SLC25A21: variants seen among roughly 807,000 people sequenced by gnomAD.
The protein encoded by SLC25A21 is mitochondrial 2-oxodicarboxylate carrier.
A neutral mutation model predicts 43.8 loss-of-function variants in SLC25A21; 47 were observed. The ratio of observed to expected loss-of-function variants is 1.07; its 90% CI spans 0.85 to 1.37. The LOEUF (loss-of-function observed/expected upper bound fraction) is 1.37. Among genes scored for constraint, SLC25A21 ranks in the 40% most tolerant of loss-of-function variants. SLC25A21 has a pLI of 0.00. For synonymous variants in SLC25A21, 131 were observed against 121.3 expected (o/e 1.08, Z -0.52); for missense variants, 352 against 350.2 (o/e 1.00, Z -0.04).
In SLC25A21 at chr14:36,678,492, G is replaced by C; in HGVS notation, c.*2166C>G. The C allele has an allele frequency of 6.5e-7, 1 of 1,536,968 alleles. No individual in the cohort carries two copies. The highest frequency in any genetic ancestry group is 1.4e-5 in the African/African-American group (1 of 73,158). ...ACATCTGGAGTTCCCAGTCTGGTGA[G>C]AAAATAGACTATAAACTGAATGGAA... is the stretch of plus-strand genomic sequence containing the variant. On this transcript the variant is annotated 3_prime_UTR_variant, in exon 10 of 10. Coordinates refer to ENST00000331299, the MANE Select transcript of SLC25A21 (RefSeq NM_030631.4).
chr14:36,689,835 C>A (rs549622649), intron 7 of SLC25A21, among the ~76,000 whole-genome samples: 2 of 152,296 alleles, frequency 1.3e-5, no homozygotes, highest in African/African-American at 4.8e-5. Context: ...AGTCTGAGAA[C>A]CACTGCTTAA....
At chr14:37,147,651 A>T (rs1420135340) in intron 1 of SLC25A21, among the ~76,000 whole-genome samples, 20 of 100,638 alleles carry the variant, frequency 2.0e-4, no homozygotes, top group African/African-American at 5.4e-4. Flanking sequence ...TTTTTTTTTA[A>T]AAAAAAGGAA....
At chr14:36,857,374 T>C (rs1889931274) in intron 2 of SLC25A21, among the ~76,000 whole-genome samples, 1 of 152,164 alleles carries the variant, frequency 6.6e-6, no homozygotes, top group Non-Finnish European at 1.5e-5. Context: ...AGAGAGAGGC[T>C]CCAGATCCCA....
chr14:36,698,962 G>C (rs1256272658), intron 7 of SLC25A21, among the ~76,000 whole-genome samples: 1 of 152,078 alleles, frequency 6.6e-6, no homozygotes, highest in African/African-American at 2.4e-5. Context: ...TTGTTCTGTT[G>C]CTGGCAAGGA....
intron 1 of SLC25A21, among the ~76,000 whole-genome samples, chr14:37,074,266 T>C (rs923253948): frequency 6.6e-6 from 1 of 152,120 alleles, no homozygotes; most frequent in African/African-American, 2.4e-5. Context: ...TGTGGTACTA[T>C]TCTACGGTTG....
At chr14:36,877,823 G>T (rs528036116) in intron 1 of SLC25A21, among the ~76,000 whole-genome samples, 1 of 152,178 alleles carries the variant, frequency 6.6e-6, no homozygotes, top group Non-Finnish European at 1.5e-5. Flanking sequence ...GAGGCTGGAA[G>T]TGTGCAGGTG....
intron 1 of SLC25A21, among the ~76,000 whole-genome samples, chr14:37,099,148 T>C (rs894907847): frequency 1.3e-5 from 2 of 152,064 alleles, no homozygotes; most frequent in Admixed American, 6.5e-5. Context: ...CCACATTGAT[T>C]TGTAATAATT....
chr14:36,751,091 A>G (rs1885692089), intron 3 of SLC25A21, among the ~76,000 whole-genome samples: 1 of 152,214 alleles, frequency 6.6e-6, no homozygotes, highest in South Asian at 2.1e-4. Flanking sequence ...ACACTAAGAT[A>G]TGCCAAAACC....
intron 7 of SLC25A21, among the ~76,000 whole-genome samples, chr14:36,689,628 G>A (rs1290847987): frequency 6.6e-6 from 1 of 152,118 alleles, no homozygotes; most frequent in Non-Finnish European, 1.5e-5. Context: ...CTGGAGTCCA[G>A]TTACTCACAT....
intron 7 of SLC25A21, among the ~76,000 whole-genome samples, chr14:36,695,345 G>T (rs1882970380): frequency 6.6e-6 from 1 of 152,198 alleles, no homozygotes; most frequent in African/African-American, 2.4e-5. Context: ...CAGGTAGCGT[G>T]ATGTCTCCAG....
intron 2 of SLC25A21, among the ~76,000 whole-genome samples, chr14:36,845,253 T>A (rs1264661674): frequency 6.6e-6 from 1 of 152,210 alleles, no homozygotes; most frequent in Non-Finnish European, 1.5e-5. Context: ...CATGGATTTT[T>A]AAATATTAAT....
intron 1 of SLC25A21, among the ~76,000 whole-genome samples, chr14:36,949,357 G>A (rs1892750637): frequency 6.6e-6 from 1 of 152,136 alleles, no homozygotes; most frequent in African/African-American, 2.4e-5. Flanking sequence ...AAAATTGTTT[G>A]TATGTATCCC....
intron 1 of SLC25A21, among the ~76,000 whole-genome samples, chr14:37,051,476 C>G (rs1257376123): frequency 6.6e-6 from 1 of 152,210 alleles, no homozygotes; most frequent in Non-Finnish European, 1.5e-5. Flanking sequence ...TAGATTAATT[C>G]ACCCAGACTG....
intron 1 of SLC25A21, among the ~76,000 whole-genome samples, chr14:36,886,577 A>G (rs1890919444): frequency 6.6e-6 from 1 of 152,224 alleles, no homozygotes; most frequent in Non-Finnish European, 1.5e-5. Flanking sequence ...TCAGAGGTAT[A>G]AACCATATGC....
At chr14:36,840,076 C>T (rs1001428019) in intron 2 of SLC25A21, among the ~76,000 whole-genome samples, 1 of 152,210 alleles carries the variant, frequency 6.6e-6, no homozygotes, top group Non-Finnish European at 1.5e-5. Flanking sequence ...CATTCTCCCA[C>T]AGCAGCAGCA....
intron 1 of SLC25A21, among the ~76,000 whole-genome samples, chr14:36,908,189 C>G (rs1022595693): frequency 6.6e-6 from 1 of 151,978 alleles, no homozygotes; most frequent in Non-Finnish European, 1.5e-5. Context: ...TAGACTATAC[C>G]ACACCAAAAG....
chr14:36,742,138 T>G (rs1046677775), intron 3 of SLC25A21, among the ~76,000 whole-genome samples: 1 of 152,216 alleles, frequency 6.6e-6, no homozygotes, highest in Non-Finnish European at 1.5e-5. Flanking sequence ...CTCCAAATTA[T>G]ACTGAAATAC....
chr14:36,857,112 G>A (rs2138525114), intron 2 of SLC25A21, among the ~76,000 whole-genome samples: 1 of 152,276 alleles, frequency 6.6e-6, no homozygotes, highest in East Asian at 1.9e-4. Context: ...TTATTTTAAT[G>A]GAAATTTGTT....
chr14:37,054,711 G>C (rs935164802), intron 1 of SLC25A21, among the ~76,000 whole-genome samples: 2 of 118,114 alleles, frequency 1.7e-5, no homozygotes, highest in African/African-American at 9.9e-5. Flanking sequence ...TTGGAAAATA[G>C]AACTAAAAAA....
Sources: allele counts gnomAD v4.1 joint callset (sites outside exome capture counted in the v4.1 genomes callset), GRCh38; gene constraint gnomAD v4.1.1; transcripts MANE v1.5; gene names NCBI Gene and HGNC (gene_info 2026-07-23, HGNC 2026-07-21).